Variants in LRRTM4 observed in about 807,000 individuals in gnomAD.
The protein encoded by LRRTM4 is leucine rich repeat transmembrane neuronal 4.
LRRTM4 carries 25 observed loss-of-function variants against 47.6 expected under a neutral mutation model. That is an observed-to-expected ratio of 0.53 (90% CI 0.38 to 0.73). LRRTM4 has a LOEUF of 0.73. Ranked by LOEUF, LRRTM4 falls within the 30% of genes least tolerant of loss-of-function variation. LRRTM4 has a pLI of 0.00. For synonymous variants in LRRTM4, 311 were observed against 269.5 expected (o/e 1.15, Z -1.51); for missense variants, 638 against 713.4 (o/e 0.89, Z 1.20).
intron 3 of LRRTM4, among the ~76,000 whole-genome samples, chr2:76,936,368 A>G (rs1235093811): frequency 1.3e-5 from 2 of 151,678 alleles, no homozygotes; most frequent in East Asian, 2.0e-4. Flanking sequence ...GTTCTCACTC[A>G]TAAGTGAGAG....
In LRRTM4 at chr2:77,056,294, C is replaced by G. The variant is rs187028787; in HGVS notation, c.1552-307378G>C. On this transcript the variant is annotated intron_variant, in intron 3 of 3. Transcript: ENST00000409884. ...AGAAGATGCCCTTCTATGAAATAAA[C>G]TTGCTTCAAGAATAAGATTTTATTA... Among the ~76,000 whole-genome samples the G allele has an allele frequency of 2.0e-3, 302 of 152,202 alleles. 6 individuals are homozygous for G. The highest frequency in any genetic ancestry group is 7.0e-3 in the African/African-American group (292 of 41,528).
intron 3 of LRRTM4, among the ~76,000 whole-genome samples, chr2:77,188,017 C>T (rs1056349792): frequency 2.0e-5 from 3 of 152,064 alleles, no homozygotes; most frequent in Non-Finnish European, 2.9e-5. Context: ...TTAAATTATA[C>T]TACATACCAA....
At chr2:76,770,773 T>C (rs1021348331) in intron 3 of LRRTM4, among the ~76,000 whole-genome samples, 3 of 152,210 alleles carry the variant, frequency 2.0e-5, no homozygotes, top group Non-Finnish European at 2.9e-5. Context: ...AGTAGTACAA[T>C]TGAAACATCT....
At chr2:76,882,814 A>T (rs1672968890) in intron 3 of LRRTM4, among the ~76,000 whole-genome samples, 3 of 152,086 alleles carry the variant, frequency 2.0e-5, no homozygotes, top group Admixed American at 1.3e-4. Flanking sequence ...CAAATGAGAA[A>T]TCAAGGAGGA....
intron 3 of LRRTM4, among the ~76,000 whole-genome samples, chr2:76,832,903 C>G (rs1347210667): frequency 6.6e-6 from 1 of 152,014 alleles, no homozygotes; most frequent in Non-Finnish European, 1.5e-5. Context: ...AACCCAGGAA[C>G]TACAGGACCC....
intron 3 of LRRTM4, among the ~76,000 whole-genome samples, chr2:77,447,735 T>C (rs1388213570): frequency 6.6e-6 from 1 of 152,150 alleles, no homozygotes; most frequent in Non-Finnish European, 1.5e-5. Flanking sequence ...CTAACTCTGT[T>C]TCCCCCAAGC....
intron 3 of LRRTM4, among the ~76,000 whole-genome samples, chr2:77,007,303 C>A (rs1384753710): frequency 6.6e-6 from 1 of 152,022 alleles, no homozygotes; most frequent in African/African-American, 2.4e-5. Context: ...ATCATCAAGG[C>A]TTCCTTTTAT....
chr2:76,776,207 G>T (rs9715387), intron 3 of LRRTM4, among the ~76,000 whole-genome samples: 2 of 152,092 alleles, frequency 1.3e-5, no homozygotes, highest in South Asian at 4.1e-4. Context: ...GAATAATGCC[G>T]CAATAAACAT....
In LRRTM4 at chr2:77,119,869, G is replaced by T. The variant is rs188021536; in HGVS notation, c.1552-370953C>A. The stretch of plus-strand genomic sequence containing the variant: ...GGAACTGAAATGTGAAGATATTCTG[G>T]GTTAATTGGTCTAGGATGTATTGTA... On this transcript the variant is annotated intron_variant, in intron 3 of 3. Coordinates refer to ENST00000409884, the MANE Select transcript of LRRTM4 (RefSeq NM_001134745.3). Among the ~76,000 whole-genome samples the T allele has an allele frequency of 2.6e-5, 4 of 151,792 alleles. No homozygotes were observed. In the East Asian group the frequency reaches 7.7e-4, roughly 29 times the overall value.
At chr2:77,304,515 GA>G (rs139406613) in intron 3 of LRRTM4, among the ~76,000 whole-genome samples, 5,366 of 151,454 alleles carry the variant, frequency 0.035, 315 homozygotes, top group African/African-American at 0.12. Flanking sequence ...AGAATAAATG[GA>G]AAAAAAATAG....
intron 3 of LRRTM4, among the ~76,000 whole-genome samples, chr2:76,775,706 C>G (rs1250278273): frequency 6.6e-6 from 1 of 151,996 alleles, no homozygotes; most frequent in Non-Finnish European, 1.5e-5. Context: ...TGGAGTTAGC[C>G]TATCCCTTCC....
rs564758107 is a variant in LRRTM4 at position 76,908,111 on chromosome 2, C to A, written c.1552-159195G>T. On this transcript the variant is annotated intron_variant, in intron 3 of 3. Coordinates refer to ENST00000409884, the MANE Select transcript of LRRTM4 (RefSeq NM_001134745.3). ...AATCCTCAATAAAATACTGGCAAAC[C>A]GAATCCAGCAGCACATCAAAAAGCT... Among the ~76,000 whole-genome samples, 199 of 150,662 alleles carry A rather than the reference C, an allele frequency of 1.3e-3. 2 individuals are homozygous for A. The highest frequency in any genetic ancestry group is 2.2e-3 in the Non-Finnish European group (152 of 67,694).
intron 3 of LRRTM4, among the ~76,000 whole-genome samples, chr2:76,885,564 G>T (rs1673048739): frequency 6.7e-6 from 1 of 149,486 alleles, no homozygotes; most frequent in African/African-American, 2.5e-5. Context: ...CCGGGTTCAC[G>T]CCATTCTCCC....
rs150711589 is a variant in LRRTM4 at position 77,012,271 on chromosome 2, A to T, written c.1552-263355T>A. Among the ~76,000 whole-genome samples the T allele has an allele frequency of 1.6e-3, 237 of 152,286 alleles. 3 individuals are homozygous for T. Among genetic ancestry groups the T allele is most frequent in the African/African-American group, 4.6e-3 (192 of 41,566 alleles). Reference sequence around the variant, plus strand: ...TAGAAATAATTATTATTTTCAAATAACATTATTATTTCCAAGAATAATCAT... The same window carrying T: ...TAGAAATAATTATTATTTTCAAATATCATTATTATTTCCAAGAATAATCAT... On this transcript the variant is annotated intron_variant, in intron 3 of 3. Coordinates refer to ENST00000409884, the MANE Select transcript of LRRTM4 (RefSeq NM_001134745.3).
At chr2:77,122,730 A>C (rs1363817830) in intron 3 of LRRTM4, among the ~76,000 whole-genome samples, 2 of 151,856 alleles carry the variant, frequency 1.3e-5, no homozygotes, top group Non-Finnish European at 2.9e-5. Flanking sequence ...AAGTTAAAAA[A>C]TAAATTACAG....
At chr2:76,904,521 GTGAC>G (rs1673754355) in intron 3 of LRRTM4, among the ~76,000 whole-genome samples, 1 of 152,192 alleles carries the variant, frequency 6.6e-6, no homozygotes, top group Non-Finnish European at 1.5e-5. Flanking sequence ...CTTGAGAAAT[GTGAC>G]TGACTGAAAC....
At chr2:77,003,347 G>A (rs915499873) in intron 3 of LRRTM4, among the ~76,000 whole-genome samples, 4 of 151,632 alleles carry the variant, frequency 2.6e-5, no homozygotes, top group Non-Finnish European at 2.9e-5. Context: ...AAGTTGATAT[G>A]TATTGGCTCT....
intron 3 of LRRTM4, among the ~76,000 whole-genome samples, chr2:76,911,622 C>T (rs951001190): frequency 2.7e-5 from 4 of 150,572 alleles, no homozygotes; most frequent in Middle Eastern, 3.4e-3. Flanking sequence ...TCAAACACGG[C>T]AGAGAGAGAG....
intron 3 of LRRTM4, among the ~76,000 whole-genome samples, chr2:76,905,864 A>G (rs181199709): frequency 3.3e-5 from 5 of 152,160 alleles, no homozygotes; most frequent in African/African-American, 7.2e-5. Flanking sequence ...CCAAATCTAC[A>G]TCTGATTGGT....
Sources: gnomAD v4.1 joint callset for allele counts (sites outside exome capture counted in the v4.1 genomes callset) on GRCh38, gnomAD v4.1.1 for gene constraint, MANE v1.5 for transcripts, NCBI Gene and HGNC (gene_info 2026-07-23, HGNC 2026-07-21) for gene names.